AIG1: variants seen among roughly 807,000 people sequenced by gnomAD.
AIG1 encodes androgen-induced gene 1 protein.
Under a neutral mutation model 31.4 loss-of-function variants are expected in AIG1, and 23 were observed. The observed-to-expected ratio is 0.73, with a 90% CI of 0.53 to 1.04. AIG1 has a LOEUF of 1.04. Ranked by LOEUF, AIG1 falls within the 50% of genes least tolerant of loss-of-function variation. AIG1 has a pLI of 0.00. For synonymous variants in AIG1, 100 were observed against 110.5 expected, an observed-to-expected ratio of 0.90 and a Z score of 0.60; for missense variants, 274 against 295.0, an observed-to-expected ratio of 0.93 and a Z score of 0.52.
chr6:143,241,750 A>G (rs534915548), intron 3 of AIG1, among the ~76,000 whole-genome samples: 9 of 152,202 alleles, frequency 5.9e-5, no homozygotes, highest in African/African-American at 1.4e-4. Flanking sequence ...GAAAACCTAA[A>G]ATCTGAAATG....
At chr6:143,259,814 A>G (rs189168853) in intron 3 of AIG1, among the ~76,000 whole-genome samples, 6 of 152,318 alleles carry the variant, frequency 3.9e-5, no homozygotes, top group Admixed American at 1.3e-4. Flanking sequence ...AGGGAGCACT[A>G]GGAGAGCAGT....
In AIG1 at chr6:143,300,652, A is replaced by G. The variant is rs750280638; in HGVS notation, c.515+16427A>G. ...TATTTTTGTTAATTAAAATTTGACC[A>G]TGTATACTTCTAAAAATTACTAAAT... On this transcript the variant is annotated intron_variant, in intron 4 of 5. Transcript: ENST00000357847. 3.5e-4 allele frequency among the ~76,000 whole-genome samples: 54 copies of G among 152,350 alleles called. No homozygotes were observed. The Middle Eastern group carries it at 0.01, about 29-fold the overall frequency.
rs1789656851 is a variant in AIG1 at position 143,190,168 on chromosome 6, A to G, written c.399+24985A>G. The stretch of plus-strand genomic sequence containing the variant: ...CAACATATGAATTTTGAGGGGACAG[A>G]AACATTCAGCCCATAGCAGGATGAG... On this transcript the variant is annotated intron_variant, in intron 3 of 5. Coordinates refer to ENST00000357847, the MANE Select transcript of AIG1 (RefSeq NM_016108.4). 9.1e-6 allele frequency: 9 copies of G among 985,206 alleles called. No homozygotes were observed. The South Asian group carries it at 3.3e-4, about 36-fold the overall frequency. The allele number at this position is 985,206 out of a possible 1,614,324, so 61.0% of individuals were successfully genotyped here.
intron 4 of AIG1, among the ~76,000 whole-genome samples, chr6:143,314,710 A>G (rs1279483197): frequency 1.3e-5 from 2 of 152,170 alleles, no homozygotes; most frequent in Non-Finnish European, 2.9e-5. Context: ...GCAATACCCA[A>G]TATTGTTAAG....
chr6:143,152,519 T>C (rs1016248832), intron 2 of AIG1, among the ~76,000 whole-genome samples: 1 of 152,192 alleles, frequency 6.6e-6, no homozygotes, highest in African/African-American at 2.4e-5. Flanking sequence ...TTAAAAGGTC[T>C]TATGTGAGGT....
chr6:143,142,086 G>A (rs1396383408), intron 2 of AIG1, among the ~76,000 whole-genome samples: 1 of 151,964 alleles, frequency 6.6e-6, no homozygotes, highest in East Asian at 1.9e-4. Flanking sequence ...TTCTGTCTTT[G>A]TTTTATAGAG....
intron 3 of AIG1, among the ~76,000 whole-genome samples, chr6:143,265,803 A>G (rs1796113840): frequency 6.6e-6 from 1 of 152,210 alleles, no homozygotes; most frequent in African/African-American, 2.4e-5. Context: ...CGGTATTCAC[A>G]GTGTTTCTGC....
chr6:143,338,091 G>A lies in AIG1; in HGVS notation c.680-1548G>A. On this transcript the variant is annotated intron_variant, in intron 5 of 5. Transcript: ENST00000357847. The surrounding 1 kb of genome is among the most constrained non-coding windows in gnomAD (Gnocchi z 4.3). Reference sequence around the variant, plus strand: ...GCACTGCTGCCAAGTCAACCCATCTGCAGGAGAACGCTTTGGAAAAAACAG... The same window carrying A: ...GCACTGCTGCCAAGTCAACCCATCTACAGGAGAACGCTTTGGAAAAAACAG... 1 of 398,642 alleles carries A rather than the reference G, an allele frequency of 2.5e-6. No homozygotes were observed. The highest frequency in any genetic ancestry group is 4.4e-6 in the Non-Finnish European group (1 of 226,140). The allele number at this position is 398,642 out of a possible 1,614,324, so 24.7% of individuals were successfully genotyped here.
chr6:143,114,354 G>A (rs1781565476), intron 1 of AIG1, among the ~76,000 whole-genome samples: 1 of 152,218 alleles, frequency 6.6e-6, no homozygotes, highest in African/African-American at 2.4e-5. Flanking sequence ...AATGCTGCGA[G>A]AACCTTTCAC....
In AIG1 at chr6:143,269,492, C is replaced by T. The variant is rs147309261; in HGVS notation, c.400-14618C>T. Among the ~76,000 whole-genome samples the T allele has an allele frequency of 3.1e-3, 473 of 152,294 alleles. 1 individual carries two copies. The highest frequency in any genetic ancestry group is 4.9e-3 in the Non-Finnish European group (331 of 68,028). ...AGTATATATGCCTAAGAAAAATGCA[C>T]GCATGCCCACCAAAAGAAGAATACA... On this transcript the variant is annotated intron_variant, in intron 3 of 5. Transcript: ENST00000357847.
At chr6:143,177,201 T>C (rs2128580615) in intron 3 of AIG1, among the ~76,000 whole-genome samples, 1 of 152,356 alleles carries the variant, frequency 6.6e-6, no homozygotes, top group East Asian at 1.9e-4. Flanking sequence ...TTATGAATTG[T>C]TTTTCTGATT....
intron 2 of AIG1, among the ~76,000 whole-genome samples, chr6:143,154,048 C>T (rs367793295): frequency 2.6e-5 from 4 of 151,734 alleles, no homozygotes; most frequent in African/African-American, 4.8e-5. Context: ...ACCAGGAGTT[C>T]GTGACCAGAC....
At chr6:143,124,521 G>C (rs1782521952) in intron 1 of AIG1, among the ~76,000 whole-genome samples, 1 of 152,194 alleles carries the variant, frequency 6.6e-6, no homozygotes, top group Non-Finnish European at 1.5e-5. Context: ...CCCTGGGAAG[G>C]CTGCTTCCTG....
chr6:143,108,020 TA>T (rs1380392855), intron 1 of AIG1, among the ~76,000 whole-genome samples: 1 of 152,216 alleles, frequency 6.6e-6, no homozygotes, highest in Admixed American at 6.5e-5. Flanking sequence ...ATGTTTTGCT[TA>T]AACGTTTAGA....
chr6:143,342,965 G>A, downstream of AIG1: 1 of 988,262 alleles, frequency 1.0e-6, no homozygotes, highest in Non-Finnish European at 1.6e-6. Flanking sequence ...AACATTCTGG[G>A]TCAAGAGCAG....
intron 3 of AIG1, among the ~76,000 whole-genome samples, chr6:143,278,453 T>G (rs1388330920): frequency 1.3e-5 from 2 of 151,768 alleles, no homozygotes; most frequent in African/African-American, 4.8e-5. Context: ...CCAGTATATC[T>G]TTTTTCTTTT....
chr6:143,164,874 C>G (rs558850441), intron 2 of AIG1: 1 of 435,564 alleles, frequency 2.3e-6, no homozygotes, highest in Non-Finnish European at 4.1e-6. Context: ...GAACACCATT[C>G]GGAGATCAGA....
chr6:143,201,199 A>G (rs1790669750), intron 3 of AIG1, among the ~76,000 whole-genome samples: 1 of 152,114 alleles, frequency 6.6e-6, no homozygotes, highest in Admixed American at 6.6e-5. Context: ...GTCCTTAAAA[A>G]GAAAAGTTCC....
At chr6:143,181,070 C>T (rs1788672340) in intron 3 of AIG1, among the ~76,000 whole-genome samples, 2 of 152,012 alleles carry the variant, frequency 1.3e-5, no homozygotes, top group Admixed American at 1.3e-4. Context: ...ACAGATTGTG[C>T]CTTTCATTAC....
Sources: allele counts gnomAD v4.1 joint callset (sites outside exome capture counted in the v4.1 genomes callset), GRCh38; gene constraint gnomAD v4.1.1; non-coding constraint Gnocchi (gnomAD v3.1); transcripts MANE v1.5; gene names NCBI Gene and HGNC (gene_info 2026-07-23, HGNC 2026-07-21).